Variants in MAN1B1 observed in about 807,000 individuals in gnomAD.
MAN1B1 encodes mannosidase alpha class 1B member 1.
A neutral mutation model predicts 75.5 loss-of-function variants in MAN1B1; 66 were observed. That is an observed-to-expected ratio of 0.87 (90% CI 0.72 to 1.07). The LOEUF is 1.07. Among genes scored for constraint, MAN1B1 ranks in the 50% least tolerant of loss-of-function variants. The probability of loss-of-function intolerance (pLI) is 0.00; values close to 1 mark genes in which losing one functional copy is unlikely to be tolerated. For missense variants in MAN1B1, 973 were observed against 912.5 expected, an observed-to-expected ratio of 1.07 and a Z score of -0.85; for synonymous variants, 453 against 382.8, an observed-to-expected ratio of 1.18 and a Z score of -2.14.
At chr9:137,106,928 G>A (rs1831131218) in intron 10 of MAN1B1, 119 bp downstream of exon 10, 1 of 1,391,398 alleles carries the variant, frequency 7.2e-7, no homozygotes, top group Non-Finnish European at 9.7e-7. Context: ...GGAGGCCCTG[G>A]GTGGACCGTG....
In MAN1B1 at chr9:137,108,376, G is replaced by A. The variant is rs76740252; in HGVS notation, c.1897-12G>A. 905 of 1,612,640 alleles carry A rather than the reference G, an allele frequency of 5.6e-4. 4 individuals carry two copies. The African/African-American group carries it at 0.011, about 20-fold the overall frequency. On this transcript the variant is annotated splice_polypyrimidine_tract_variant and intron_variant, in intron 12 of 12. Transcript: ENST00000371589. Reference sequence around the variant, plus strand: ...CCCCCCGTGTGGTGACGAGGCCCTGGCTGCTGCACAGGTCCCCTCGGGTGG... The same window carrying A: ...CCCCCCGTGTGGTGACGAGGCCCTGACTGCTGCACAGGTCCCCTCGGGTGG...
intron 8 of MAN1B1, chr9:137,102,591 TAC>T: frequency 2.4e-6 from 1 of 411,656 alleles, no homozygotes; most frequent in South Asian, 1.7e-5. Context: ...TCGGTGCTGT[TAC>T]ATTCACGCTG....
Position 137,106,270 on chromosome 9 carries a change from A to G in MAN1B1, c.1400A>G (p.Glu467Gly). 1 of 1,568,430 alleles carries G rather than the reference A, an allele frequency of 6.4e-7. No homozygotes were observed. Among genetic ancestry groups the G allele is most frequent in the South Asian group, 1.2e-5 (1 of 85,788 alleles). Reference sequence around the variant, plus strand: ...GGCGCCAGGGCCGACAGCTACTATGAGTACCTGCTGAAGCAGTGGATCCAG... The same window carrying G: ...GGCGCCAGGGCCGACAGCTACTATGGGTACCTGCTGAAGCAGTGGATCCAG... ...TLGARADSYY[E>G]YLLKQWIQGG... is the part of the protein sequence containing the mutation. The change falls in exon 9 of 13, where the codon GAG becomes GGG. Residue 467 changes from glutamate to glycine, a missense_variant. Physicochemically the swap from Glu to Gly is moderately conservative, Grantham distance 98. Transcript: ENST00000371589.
intron 1 of MAN1B1, chr9:137,087,569 A>G (rs1830406830): frequency 1.9e-6 from 1 of 522,826 alleles, no homozygotes; most frequent in East Asian, 4.5e-5. Context: ...TCCCCTCGGT[A>G]CAGTGAGAAA....
intron 3 of MAN1B1, among the ~76,000 whole-genome samples, chr9:137,095,672 C>T (rs952847853): frequency 2.2e-4 from 33 of 152,218 alleles, no homozygotes; most frequent in Admixed American, 2.0e-3. Flanking sequence ...GTCCGTGACA[C>T]GGTCTGCAGC....
At chr9:137,093,223 A>G (rs1015001440) in intron 3 of MAN1B1, among the ~76,000 whole-genome samples, 3 of 151,972 alleles carry the variant, frequency 2.0e-5, no homozygotes, top group Admixed American at 6.6e-5. Context: ...GTGAAACCCC[A>G]TCTCTACTAA....
rs1830812153 is a variant in MAN1B1, at chr9:137,101,573, C to T, written c.1155C>T (p.His385=). The change falls in exon 8 of 13, where the codon CAC becomes CAT. Residue 385 remains histidine (H), a synonymous_variant. Transcript: ENST00000371589. ...TGAACATCGGTACTGGAGTTGCCCACCCGCCACGGTGGACCTCCGACAGCA... is the reference window on the plus strand; with the variant it reads ...TGAACATCGGTACTGGAGTTGCCCATCCGCCACGGTGGACCTCCGACAGCA... ...SDVNIGTGVA[H]PPRWTSDSTV... is the part of the protein sequence containing the mutation. 3 of 1,613,866 alleles carry T rather than the reference C, an allele frequency of 1.9e-6. No individual in the cohort carries two copies. The highest frequency in any genetic ancestry group is 2.5e-6 in the Non-Finnish European group (3 of 1,180,038).
chr9:137,095,666 G>A (rs1025768678), intron 3 of MAN1B1, among the ~76,000 whole-genome samples: 2 of 152,220 alleles, frequency 1.3e-5, no homozygotes, highest in African/African-American at 2.4e-5. Flanking sequence ...GCCTCAGTCC[G>A]TGACACGGTC....
chr9:137,106,003 T>G, intron 8 of MAN1B1, 122 bp from the exon 9 acceptor site: 1 of 798,470 alleles, frequency 1.3e-6, no homozygotes, highest in Non-Finnish European at 2.2e-6. Flanking sequence ...GGCACAGAGC[T>G]CTCTCTGCTG....
At chr9:137,101,338 T>C in intron 7 of MAN1B1, 146 bp from the exon 8 acceptor site, 1 of 1,066,932 alleles carries the variant, frequency 9.4e-7, no homozygotes, top group Non-Finnish European at 1.4e-6. Context: ...TGTAGAGACA[T>C]TCACTCAGTG....
In MAN1B1 at chr9:137,099,846, C is replaced by T. The variant is rs144767615; in HGVS notation, c.881C>T (p.Ala294Val). ...WFGLGLTLID[A>V]LDTMWILGLR... ...GGCCTCGGTCTCACACTGATCGACGCGCTGGACACCATGTGGATCTTGGGT... is the reference window on the plus strand; with the variant it reads ...GGCCTCGGTCTCACACTGATCGACGTGCTGGACACCATGTGGATCTTGGGT... The change falls in exon 6 of 13, where the codon GCG becomes GTG. Residue 294 changes from alanine (A) to valine (V), a missense_variant. Physicochemically the swap from Ala to Val is moderately conservative, Grantham distance 64 (BLOSUM62 0). Transcript: ENST00000371589. 5.5e-5 allele frequency: 89 copies of T among 1,614,078 alleles called. No homozygotes were observed. The Admixed American group carries it at 6.0e-4, about 11-fold the overall frequency.
At position 137,108,530 on chromosome 9, in the gene MAN1B1, G is replaced by C. The variant is rs138279784; in HGVS notation, c.2039G>C (p.Ser680Thr). 133 of 1,613,990 alleles carry C rather than the reference G, an allele frequency of 8.2e-5. No individual in the cohort carries two copies. In the African/African-American group the frequency reaches 1.7e-3, roughly 21 times the overall value. Residue 680 changes from serine to threonine, a missense_variant, in exon 13 of 13, where the codon AGC becomes ACC. Ser to Thr is a moderately conservative substitution (Grantham distance 58). Coordinates refer to ENST00000371589, the MANE Select transcript of MAN1B1 (RefSeq NM_016219.5). The stretch of plus-strand genomic sequence containing the variant: ...TTCTCCGATGACCCAAACCTGCTCA[G>C]CCTGGATGCCTACGTGTTCAACACC... ...LLFSDDPNLL[S>T]LDAYVFNTEA...
chr9:137,103,396 G>T, intron 8 of MAN1B1: 1 of 436,000 alleles, frequency 2.3e-6, no homozygotes, highest in East Asian at 7.1e-5. Context: ...TGTTGCAGGC[G>T]TGCAGGTCGG....
intron 8 of MAN1B1, chr9:137,102,453 G>T: frequency 2.3e-6 from 1 of 426,302 alleles, no homozygotes; most frequent in Non-Finnish European, 4.6e-6. Flanking sequence ...TTGCAGGCGT[G>T]CAGGTCGGTG....
Position 137,097,822 on chromosome 9 carries a change from C to T in MAN1B1, c.621-6C>T. ...GGCAGCTGACACCCTTCCTTCTCCC[C>T]CGAAGCTGGAGGGGAGCGGTGATCG... On this transcript the variant is annotated splice_region_variant and splice_polypyrimidine_tract_variant and intron_variant, in intron 4 of 12. Transcript: ENST00000371589. 3.2e-6 allele frequency: 5 copies of T among 1,550,014 alleles called. No homozygotes were observed. Among genetic ancestry groups the T allele is most frequent in the Non-Finnish European group, 4.4e-6 (5 of 1,145,780 alleles).
intron 4 of MAN1B1, 27 bp from the exon 5 acceptor site, chr9:137,097,801 G>A: frequency 6.6e-7 from 1 of 1,505,444 alleles, no homozygotes; most frequent in Non-Finnish European, 9.0e-7. Flanking sequence ...TTTGACGGCA[G>A]CTGACACCCT....
At chr9:137,088,791 C>T in intron 2 of MAN1B1, 78 bp from the exon 3 acceptor site, 4 of 1,485,950 alleles carry the variant, frequency 2.7e-6, no homozygotes. Context: ...TAGTGCCTGC[C>T]AAGTGTTTTT....
At chr9:137,107,030 C>A in intron 10 of MAN1B1, 2 of 749,364 alleles carry the variant, frequency 2.7e-6, no homozygotes, top group Non-Finnish European at 2.1e-6. Flanking sequence ...GCTCCCTCCC[C>A]GTGCCCGGTG....
intron 6 of MAN1B1, 117 bp from the exon 7 acceptor site, chr9:137,100,888 G>A: frequency 1.7e-6 from 2 of 1,173,898 alleles, no homozygotes; most frequent in Non-Finnish European, 2.5e-6. Context: ...CCAAAGTGCT[G>A]GGATTACAGG....
Sources: allele counts gnomAD v4.1 joint callset (sites outside exome capture counted in the v4.1 genomes callset), GRCh38; gene constraint gnomAD v4.1.1; transcripts MANE v1.5; gene names NCBI Gene and HGNC (gene_info 2026-07-23, HGNC 2026-07-21).